Variants in GPR75 observed in about 807,000 individuals in gnomAD.
GPR75 encodes the protein G protein-coupled receptor 75.
Under a neutral mutation model 26.0 loss-of-function variants are expected in GPR75, and 27 were observed. That is an observed-to-expected ratio of 1.04 (90% confidence interval 0.77 to 1.43). The LOEUF is 1.43. Ranked by LOEUF, GPR75 falls within the 40% of genes most tolerant of loss-of-function variation. The pLI is 0.00. For synonymous variants in GPR75, 285 were observed against 256.3 expected, an observed-to-expected ratio of 1.11 and a Z score of -1.07; for missense variants, 699 against 662.3, an observed-to-expected ratio of 1.06 and a Z score of -0.61.
chr2:53,856,993 G>C (rs1271608929), intron 1 of GPR75, among the ~76,000 whole-genome samples: 1 of 106,406 alleles, frequency 9.4e-6, no homozygotes, highest in Non-Finnish European at 1.7e-5. Flanking sequence ...GTCTCGCTCT[G>C]TCGCCCAGGC....
At chr2:53,858,366 T>C (rs1001068556) in intron 1 of GPR75, among the ~76,000 whole-genome samples, 3 of 151,108 alleles carry the variant, frequency 2.0e-5, no homozygotes, top group African/African-American at 7.3e-5. Context: ...CTGATACACC[T>C]ATATAGCTAT....
Position 53,859,858 on chromosome 2 carries a change from C to A in GPR75, c.-140G>T. On this transcript the variant is annotated 5_prime_UTR_variant, in exon 1 of 2. It introduces an in-frame stop codon into an upstream open reading frame of the 5' UTR. Transcript: ENST00000394705. ...GGGTGGCCGCAGCGCCGCCCCTCCTCCATCTCGCAGTCCGGACCCCAGCTC... is the reference window on the plus strand; with the variant it reads ...GGGTGGCCGCAGCGCCGCCCCTCCTACATCTCGCAGTCCGGACCCCAGCTC... 2 of 1,533,510 alleles carry A rather than the reference C, an allele frequency of 1.3e-6. No individual in the cohort carries two copies. The highest frequency in any genetic ancestry group is 1.7e-6 in the Non-Finnish European group (2 of 1,144,442). 95.0% of individuals were successfully genotyped at this position (1,533,510 alleles called of 1,614,324 possible). A position where few individuals can be genotyped will look rare whatever the true frequency, so the allele number is the denominator to read the frequency against.
At position 53,854,111 on chromosome 2, in the gene GPR75, C is replaced by T. The variant is rs1392332967; in HGVS notation, c.646G>A (p.Ala216Thr). 6.2e-7 allele frequency: 1 copy of T among 1,614,144 alleles called. No individual in the cohort carries two copies. Among genetic ancestry groups the T allele is most frequent in the Admixed American group, 1.7e-5 (1 of 60,020 alleles). The change falls in exon 2 of 2, where the codon GCT becomes ACT. Residue 216 changes from alanine to threonine, a missense_variant. Coordinates refer to ENST00000394705, the MANE Select transcript of GPR75 (RefSeq NM_006794.4). Reference sequence around the variant, plus strand: ...ATGATGTAAGAGACAGAGACCACAGCAACACAGAAGGTGAAGTCGACCACA... The same window carrying T: ...ATGATGTAAGAGACAGAGACCACAGTAACACAGAAGGTGAAGTCGACCACA... ...LYVVDFTFCVAVVSVSYIMIA... is the reference protein window; with the variant it reads ...LYVVDFTFCVTVVSVSYIMIA...
At chr2:53,855,794 T>G (rs556015241) in intron 1 of GPR75, among the ~76,000 whole-genome samples, 2 of 152,322 alleles carry the variant, frequency 1.3e-5, no homozygotes, top group African/African-American at 4.8e-5. Flanking sequence ...TTTCGTTCCC[T>G]ATGAAGAATC....
Position 53,856,946 on chromosome 2 carries a change from A to ATTTTTTTTT in GPR75, c.-109-2090_-109-2082dup, listed in dbSNP as rs10665107. Among the ~76,000 whole-genome samples the ATTTTTTTTT allele has an allele frequency of 4.5e-3, 353 of 78,964 alleles. 33 individuals carry two copies. The highest frequency in any genetic ancestry group is 6.1e-3 in the African/African-American group (124 of 20,214). The allele number at this position is 78,964 out of a possible 152,430, so 51.8% of individuals were successfully genotyped here. On this transcript the variant is annotated intron_variant, in intron 1 of 1. Transcript: ENST00000394705. ...TGATACCTATATAATGAGAAAGACAATTTTTTTTTTTTTTTTTTTTTTTTT... is the reference window on the plus strand; with the variant it reads ...TGATACCTATATAATGAGAAAGACAATTTTTTTTTTTTTTTTTTTTTTTTTTTTTTTTTT...
In GPR75 at chr2:53,854,230, G is replaced by A; in HGVS notation, c.527C>T (p.Ala176Val). ...LLLWATSFTL[A>V]TLATLKTSKS... Reference sequence around the variant, plus strand: ...GCTGGTTTTCAAGGTAGCCAAGGTGGCAAGGGTGAAACTGGTGGCCCAGAG... The same window carrying A: ...GCTGGTTTTCAAGGTAGCCAAGGTGACAAGGGTGAAACTGGTGGCCCAGAG... Residue 176 changes from alanine (A) to valine (V), a missense_variant, in exon 2 of 2, where the codon GCC (alanine) becomes GTC (valine). By Grantham distance (64) the Ala-to-Val change is moderately conservative. Transcript: ENST00000394705. 6.2e-7 allele frequency: 1 copy of A among 1,614,092 alleles called. No individual in the cohort carries two copies. Among genetic ancestry groups the A allele is most frequent in the Non-Finnish European group, 8.5e-7 (1 of 1,180,036 alleles).
rs745629092 is a variant in GPR75 at position 53,853,828 on chromosome 2, T to C, written c.929A>G (p.Asn310Ser). 2.5e-6 allele frequency: 4 copies of C among 1,613,874 alleles called. No homozygotes were observed. The highest frequency in any genetic ancestry group is 1.1e-5 in the South Asian group (1 of 91,052). The change falls in exon 2 of 2, where the codon AAC (asparagine) becomes AGC (serine). Residue 310 changes from asparagine (N) to serine (S), a missense_variant. Coordinates refer to ENST00000394705, the MANE Select transcript of GPR75 (RefSeq NM_006794.4). ...TTTGGAATCCTTGGCAGTGGAGAGG[T>C]TGATGGCTGATACGAGCTGGAGTCG... is the stretch of plus-strand genomic sequence containing the variant. ...ASRLQLVSAI[N>S]LSTAKDSKAV...
At chr2:53,857,006 G>T (rs1017816617) in intron 1 of GPR75, among the ~76,000 whole-genome samples, 1 of 134,720 alleles carries the variant, frequency 7.4e-6, no homozygotes, top group South Asian at 2.5e-4. Context: ...GCCCAGGCGG[G>T]ACTGCGGACT....
rs1366278936 is a variant in GPR75 at position 53,854,726 on chromosome 2, G to A, written c.31C>T (p.Pro11Ser). The change falls in exon 2 of 2, where the codon CCC becomes TCC. Residue 11 changes from proline (P) to serine (S), a missense_variant. Coordinates refer to ENST00000394705, the MANE Select transcript of GPR75 (RefSeq NM_006794.4). The stretch of plus-strand genomic sequence containing the variant: ...GGCACATGGAGCGAGGTGGCATTGG[G>A]GGCATCCTGAAGGTGGCCTGTTGAG... Reference protein sequence around the residue: MNSTGHLQDAPNATSLHVPHS... With the variant: MNSTGHLQDASNATSLHVPHS... 6 of 1,613,694 alleles carry A rather than the reference G, an allele frequency of 3.7e-6. No homozygotes were observed. Among genetic ancestry groups the A allele is most frequent in the Middle Eastern group, 1.6e-4 (1 of 6,084 alleles).
At chr2:53,856,946 ATT>A (rs10665107) in intron 1 of GPR75, among the ~76,000 whole-genome samples, 284 of 78,912 alleles carry the variant, frequency 3.6e-3, no homozygotes, top group African/African-American at 7.4e-3. Context: ...GAGAAAGACA[ATT>A]TTTTTTTTTT....
At position 53,854,615 on chromosome 2, in the gene GPR75, G is replaced by A. The variant is rs771903947; in HGVS notation, c.142C>T (p.Leu48=). 1.9e-6 allele frequency: 3 copies of A among 1,614,098 alleles called. No homozygotes were observed. The highest frequency in any genetic ancestry group is 2.5e-6 in the Non-Finnish European group (3 of 1,180,022). The change falls in exon 2 of 2, where the codon CTA becomes TTA. Residue 48 remains leucine (L), a synonymous_variant. Transcript: ENST00000394705. ...HTATLVTCTF[L]LAVIFCLGSY... ...CCCAGGCAGAAGATGACCGCCAGTA[G>A]AAAAGTACAGGTCACCAAGGTGGCT...
Position 53,854,245 on chromosome 2 carries a change from G to A in GPR75, c.512C>T (p.Thr171Ile). Residue 171 changes from threonine (T) to isoleucine (I), a missense_variant, in exon 2 of 2, where the codon ACC becomes ATC. Physicochemically the swap from Thr to Ile is moderately conservative, Grantham distance 89. Coordinates refer to ENST00000394705, the MANE Select transcript of GPR75 (RefSeq NM_006794.4). Reference sequence around the variant, plus strand: ...AGCCAAGGTGGCAAGGGTGAAACTGGTGGCCCAGAGAAGCAGGGTGAGGAG... The same window carrying A: ...AGCCAAGGTGGCAAGGGTGAAACTGATGGCCCAGAGAAGCAGGGTGAGGAG... ...TVLLTLLLWA[T>I]SFTLATLATL... 1 of 1,614,112 alleles carries A rather than the reference G, an allele frequency of 6.2e-7. No homozygotes were observed. The highest frequency in any genetic ancestry group is 8.5e-7 in the Non-Finnish European group (1 of 1,180,036).
intron 1 of GPR75, among the ~76,000 whole-genome samples, chr2:53,858,991 TATGG>T (rs1678303987): frequency 1.3e-5 from 2 of 151,396 alleles, no homozygotes; most frequent in African/African-American, 4.9e-5. Flanking sequence ...AAGCAAAGAA[TATGG>T]ATGAAAATTT....
intron 1 of GPR75, among the ~76,000 whole-genome samples, chr2:53,858,402 G>GACACACACAC (rs61090357): frequency 0.012 from 1,679 of 145,108 alleles, 13 homozygotes; most frequent in Non-Finnish European, 0.016. Context: ...GATACAGATA[G>GACACACACAC]ACACACACAC....
Position 53,859,876 on chromosome 2 carries a change from C to T in GPR75, c.-158G>A, listed in dbSNP as rs1203141426. The T allele has an allele frequency of 1.3e-6, 2 of 1,532,066 alleles. No individual in the cohort carries two copies. Among genetic ancestry groups the T allele is most frequent in the African/African-American group, 1.4e-5 (1 of 71,958 alleles). The allele number at this position is 1,532,066 out of a possible 1,614,324, so 94.9% of individuals were successfully genotyped here. A position where few individuals can be genotyped will look rare whatever the true frequency, so the allele number is the denominator to read the frequency against. The stretch of plus-strand genomic sequence containing the variant: ...CCCTCCTCCATCTCGCAGTCCGGAC[C>T]CCAGCTCCGCCTGCCGCTCTGGATG... On this transcript the variant is annotated 5_prime_UTR_variant, in exon 1 of 2. Coordinates refer to ENST00000394705, the MANE Select transcript of GPR75 (RefSeq NM_006794.4).
In GPR75 at chr2:53,853,687, A is replaced by G; in HGVS notation, c.1070T>C (p.Phe357Ser). The G allele has an allele frequency of 6.2e-7, 1 of 1,613,736 alleles. No homozygotes were observed. ...TATAAGAGTAAATCCAAACAATTCAAACTGGTAAAGAATGAAGCTCCCATT... is the reference window on the plus strand; with the variant it reads ...TATAAGAGTAAATCCAAACAATTCAGACTGGTAAAGAATGAAGCTCCCATT... Reference protein sequence around the residue: ...SSNGSFILYQFELFGFTLIFF... With the variant: ...SSNGSFILYQSELFGFTLIFF... Residue 357 changes from phenylalanine to serine, a missense_variant, in exon 2 of 2, where the codon TTT becomes TCT. By Grantham distance (155) the Phe-to-Ser change is radical. Transcript: ENST00000394705.
At chr2:53,857,393 C>G (rs1033397278) in intron 1 of GPR75, among the ~76,000 whole-genome samples, 1 of 152,038 alleles carries the variant, frequency 6.6e-6, no homozygotes, top group African/African-American at 2.4e-5. Context: ...ATACTGGTGT[C>G]TCTAACCCCC....
At position 53,859,935 on chromosome 2, in the gene GPR75, C is replaced by A. The variant is rs922882134; in HGVS notation, c.-217G>T. The A allele has an allele frequency of 4.7e-6, 7 of 1,495,124 alleles. No homozygotes were observed. The highest frequency in any genetic ancestry group is 6.2e-6 in the Non-Finnish European group (7 of 1,127,364). The allele number at this position is 1,495,124 out of a possible 1,614,324, so 92.6% of individuals were successfully genotyped here. On this transcript the variant is annotated 5_prime_UTR_variant, in exon 1 of 2. Coordinates refer to ENST00000394705, the MANE Select transcript of GPR75 (RefSeq NM_006794.4). ...CTAGAGGCATCATCGCCATCGCCAC[C>A]GCCTCCGCGCATCCCGGGAGCCGCG...
chr2:53,855,418 A>G (rs902046546), intron 1 of GPR75, among the ~76,000 whole-genome samples: 3 of 152,198 alleles, frequency 2.0e-5, no homozygotes, highest in Non-Finnish European at 4.4e-5. Context: ...TCAGGCACTG[A>G]AGATACACAA....
Sources: gnomAD v4.1 joint callset for allele counts (sites outside exome capture counted in the v4.1 genomes callset) on GRCh38, gnomAD v4.1.1 for gene constraint, MANE v1.5 for transcripts, NCBI Gene and HGNC (gene_info 2026-07-23, HGNC 2026-07-21) for gene names.